The following GRID2 variants were observed in gnomAD, a reference collection of about 807,000 sequenced individuals.
GRID2 encodes glutamate ionotropic receptor delta type subunit 2.
Under a neutral mutation model 114.8 loss-of-function variants are expected in GRID2, and 33 were observed. The observed-to-expected ratio is 0.29, with a 90% CI of 0.22 to 0.38. The LOEUF (loss-of-function observed/expected upper bound fraction) is 0.38. Among genes scored for constraint, GRID2 ranks in the 10% least tolerant of loss-of-function variants. The probability of loss-of-function intolerance (pLI) is 1.00; values close to 1 mark genes in which losing one functional copy is unlikely to be tolerated. For missense variants in GRID2, 1,184 were observed against 1,257.7 expected, an observed-to-expected ratio of 0.94 and a Z score of 0.89; for synonymous variants, 505 against 449.9, an observed-to-expected ratio of 1.12 and a Z score of -1.55.
rs190515839 is a variant in GRID2 at position 93,138,822 on chromosome 4, G to C, written c.735+27869G>C. On this transcript the variant is annotated intron_variant, in intron 4 of 15. Coordinates refer to ENST00000282020, the MANE Select transcript of GRID2 (RefSeq NM_001510.4). ...CCTTCAAAACTCCTTCCTAAATAAT[G>C]TCCAAAGAATCTTTCTAAAATGCAA... Among the ~76,000 whole-genome samples, 773 of 152,204 alleles carry C rather than the reference G, an allele frequency of 5.1e-3. 5 individuals carry two copies. Among genetic ancestry groups the C allele is most frequent in the Non-Finnish European group, 7.2e-3 (493 of 68,022 alleles).
chr4:93,563,865 G>C (rs1466010790), intron 13 of GRID2, among the ~76,000 whole-genome samples: 1 of 151,832 alleles, frequency 6.6e-6, no homozygotes, highest in Non-Finnish European at 1.5e-5. Context: ...ATTTATTGTA[G>C]TGTTTCTTAT....
intron 8 of GRID2, among the ~76,000 whole-genome samples, chr4:93,324,264 T>C (rs890480191): frequency 2.0e-5 from 3 of 152,190 alleles, no homozygotes; most frequent in Non-Finnish European, 4.4e-5. Context: ...TGAAGGGCTC[T>C]TGAATTTTGT....
At chr4:93,679,393 C>T (rs568481039) in intron 14 of GRID2, among the ~76,000 whole-genome samples, 6 of 150,764 alleles carry the variant, frequency 4.0e-5, no homozygotes, top group Admixed American at 6.6e-5. Flanking sequence ...AACAAGGATA[C>T]CCAGGAATTG....
At chr4:92,822,504 A>G (rs144063489) in intron 2 of GRID2, 97 of 397,032 alleles carry the variant, frequency 2.4e-4, no homozygotes, top group African/African-American at 1.7e-3. Context: ...CCACCTGGAC[A>G]GTGTATTTGT....
chr4:93,689,331 G>T (rs1726343777), intron 14 of GRID2, among the ~76,000 whole-genome samples: 1 of 151,886 alleles, frequency 6.6e-6, no homozygotes, highest in South Asian at 2.1e-4. Context: ...TTCTTCCATG[G>T]GTGTCAATAT....
At chr4:93,151,953 A>G (rs1202426391) in intron 4 of GRID2, among the ~76,000 whole-genome samples, 1 of 152,146 alleles carries the variant, frequency 6.6e-6, no homozygotes, top group Admixed American at 6.6e-5. Flanking sequence ...ATCAGCCTCA[A>G]TGTAAGCAGT....
In GRID2 at chr4:93,140,794, A is replaced by G. The variant is rs139364271; in HGVS notation, c.735+29841A>G. ...TCAATACATTTCACATAAATACAGC[A>G]GTATTATGCTCTAGGTTCCCAGAAT... is the stretch of plus-strand genomic sequence containing the variant. On this transcript the variant is annotated intron_variant, in intron 4 of 15. Transcript: ENST00000282020. 4.1e-3 allele frequency among the ~76,000 whole-genome samples: 630 copies of G among 152,340 alleles called. 8 individuals are homozygous for G. Among genetic ancestry groups the G allele is most frequent in the African/African-American group, 0.015 (607 of 41,562 alleles).
In GRID2 at chr4:93,266,557, C is replaced by CCCACACG. The variant is rs1188332281; in HGVS notation, c.1245+28067_1245+28068insCCACACG. Among the ~76,000 whole-genome samples, 55 of 152,098 alleles carry CCCACACG rather than the reference C, an allele frequency of 3.6e-4. 1 individual carries two copies. Among genetic ancestry groups the CCCACACG allele is most frequent in the Non-Finnish European group, 1.3e-4 (9 of 68,026 alleles). ...TCATGGCATCCCACACGAACCCCAT[C>CCCACACG]AATTGGCCCAGTAATGAACATGTCA... is the stretch of plus-strand genomic sequence containing the variant. On this transcript the variant is annotated intron_variant, in intron 8 of 15. Transcript: ENST00000282020.
chr4:92,541,202 G>A (rs935843243), intron 1 of GRID2, among the ~76,000 whole-genome samples: 2 of 151,920 alleles, frequency 1.3e-5, no homozygotes, highest in African/African-American at 4.8e-5. Context: ...TAAATGACGA[G>A]TTACTGGGTG....
intron 4 of GRID2, among the ~76,000 whole-genome samples, chr4:93,130,674 T>C (rs1734717439): frequency 6.6e-6 from 1 of 152,228 alleles, no homozygotes; most frequent in Non-Finnish European, 1.5e-5. Context: ...ATTCCCATAA[T>C]TTATTGTTCT....
chr4:93,713,559 C>T (rs17021051), intron 14 of GRID2, among the ~76,000 whole-genome samples: 6,627 of 151,232 alleles, frequency 0.044, 237 homozygotes, highest in African/African-American at 0.09. Context: ...GCACTGATTG[C>T]GCTTATATTG....
chr4:93,696,994 CTA>C (rs1208912681), intron 14 of GRID2, among the ~76,000 whole-genome samples: 2 of 152,098 alleles, frequency 1.3e-5, no homozygotes, highest in African/African-American at 2.4e-5. Flanking sequence ...TTAACCCACT[CTA>C]TGTTATTTTC....
intron 2 of GRID2, among the ~76,000 whole-genome samples, chr4:92,627,109 G>A (rs1047481549): frequency 6.6e-6 from 1 of 151,974 alleles, no homozygotes; most frequent in Admixed American, 6.6e-5. Context: ...ATCAACAATA[G>A]AGCATTAAAC....
chr4:92,863,552 A>G (rs1218236092), intron 2 of GRID2, among the ~76,000 whole-genome samples: 2 of 152,156 alleles, frequency 1.3e-5, no homozygotes, highest in Non-Finnish European at 2.9e-5. Flanking sequence ...TGCAGCCCTC[A>G]TTCCAAATTC....
At chr4:92,963,107 C>T (rs909534771) in intron 2 of GRID2, among the ~76,000 whole-genome samples, 1 of 151,986 alleles carries the variant, frequency 6.6e-6, no homozygotes, top group African/African-American at 2.4e-5. Flanking sequence ...AAAATGCTAA[C>T]AATCTTCTGG....
chr4:93,250,243 G>GA (rs576079274), intron 8 of GRID2, among the ~76,000 whole-genome samples: 142 of 152,136 alleles, frequency 9.3e-4, no homozygotes, highest in African/African-American at 3.1e-3. Context: ...ACTAACGCAG[G>GA]AACAGAAAAC....
At chr4:92,737,556 G>T (rs760628154) in intron 2 of GRID2, among the ~76,000 whole-genome samples, 1 of 152,064 alleles carries the variant, frequency 6.6e-6, no homozygotes, top group Non-Finnish European at 1.5e-5. Context: ...CTATGGCTAA[G>T]CTACGTCTAA....
intron 13 of GRID2, among the ~76,000 whole-genome samples, chr4:93,591,631 G>T (rs1018275195): frequency 2.0e-4 from 30 of 151,932 alleles, no homozygotes; most frequent in Admixed American, 1.0e-3. Flanking sequence ...AGAAGGAATG[G>T]TACCAGTTCC....
In GRID2 at chr4:92,767,928, A is replaced by G. The variant is rs560733378; in HGVS notation, c.244+177642A>G. ...TGAGCCATCATCTCAAAAAAAAAAA[A>G]AAAATTTAATAGTGCCTGGTACATG... is the stretch of plus-strand genomic sequence containing the variant. On this transcript the variant is annotated intron_variant, in intron 2 of 15. Coordinates refer to ENST00000282020, the MANE Select transcript of GRID2 (RefSeq NM_001510.4). 1.3e-4 allele frequency among the ~76,000 whole-genome samples: 20 copies of G among 152,136 alleles called. 1 individual carries two copies. In the East Asian group the frequency reaches 2.9e-3, roughly 22 times the overall value.
Sources: allele counts gnomAD v4.1 joint callset (sites outside exome capture counted in the v4.1 genomes callset), GRCh38; gene constraint gnomAD v4.1.1; transcripts MANE v1.5; gene names NCBI Gene and HGNC (gene_info 2026-07-23, HGNC 2026-07-21).